Variants in KDM4B observed in about 807,000 individuals in gnomAD.
KDM4B encodes lysine demethylase 4B.
A neutral mutation model predicts 125.2 loss-of-function variants in KDM4B; 32 were observed. That is an observed-to-expected ratio of 0.26 (90% CI 0.19 to 0.34). The LOEUF is 0.34. Among genes scored for constraint, KDM4B ranks in the 10% least tolerant of loss-of-function variants. KDM4B has a pLI of 1.00. For missense variants in KDM4B, 1,190 were observed against 1,577.7 expected, an observed-to-expected ratio of 0.75 and a Z score of 4.16; for synonymous variants, 721 against 677.9, an observed-to-expected ratio of 1.06 and a Z score of -0.99.
chr19:5,010,363 C>T (rs2145484319), intron 1 of KDM4B, among the ~76,000 whole-genome samples: 1 of 152,320 alleles, frequency 6.6e-6, no homozygotes, highest in African/African-American at 2.4e-5. Flanking sequence ...TGATGCGGCT[C>T]AGCGTGGTGG....
chr19:5,052,338 C>T (rs2037254356), intron 6 of KDM4B, among the ~76,000 whole-genome samples: 2 of 135,450 alleles, frequency 1.5e-5, no homozygotes, highest in Admixed American at 1.7e-4. Flanking sequence ...ACCGAGGAAC[C>T]GTGCTCCAGA....
chr19:5,115,126 G>A lies in KDM4B; in HGVS notation c.1115+4308G>A, dbSNP rs956565116. On this transcript the variant is annotated intron_variant, in intron 10 of 22. Transcript: ENST00000159111. The surrounding 1 kb of genome is among the most constrained non-coding windows in gnomAD (Gnocchi z 4.2). ...GACCCCATGGGCCGGCAACCAGGAGGACAGCCAGCAGGGAGCAGCTGGGCT... is the reference window on the plus strand; with the variant it reads ...GACCCCATGGGCCGGCAACCAGGAGAACAGCCAGCAGGGAGCAGCTGGGCT... 2.0e-5 allele frequency among the ~76,000 whole-genome samples: 3 copies of A among 152,190 alleles called. No individual in the cohort carries two copies. The highest frequency in any genetic ancestry group is 1.3e-4 in the Admixed American group (2 of 15,286).
chr19:4,986,335 G>T (rs572672648), intron 1 of KDM4B, among the ~76,000 whole-genome samples: 136 of 152,356 alleles, frequency 8.9e-4, no homozygotes, highest in African/African-American at 3.1e-3. Context: ...CAGTGTCTCC[G>T]TGTGCCTCCC....
chr19:5,078,425 G>A lies in KDM4B; in HGVS notation c.780+955G>A, dbSNP rs981483093. ...ACATCGGGGATCCGCTCTTCCTGGC[G>A]GGGCTGCAACCCAGAGGCCGCCTCC... is the stretch of plus-strand genomic sequence containing the variant. On this transcript the variant is annotated intron_variant, in intron 8 of 22. Transcript: ENST00000159111. The surrounding 1 kb of genome is among the most constrained non-coding windows in gnomAD (Gnocchi z 4.5). 2 of 152,140 alleles carry A rather than the reference G, an allele frequency of 1.3e-5. No individual in the cohort carries two copies. The highest frequency in any genetic ancestry group is 6.6e-5 in the Admixed American group (1 of 15,266). 9.4% of individuals were successfully genotyped at this position (152,140 alleles called of 1,614,324 possible). A position where few individuals can be genotyped will look rare whatever the true frequency, so the allele number is the denominator to read the frequency against.
At chr19:5,110,126 C>T (rs1473171699) in intron 9 of KDM4B, among the ~76,000 whole-genome samples, 2 of 152,168 alleles carry the variant, frequency 1.3e-5, no homozygotes, top group African/African-American at 2.4e-5. Context: ...TCCGTGGAGG[C>T]AAACCAGGGA....
At position 4,986,080 on chromosome 19, in the gene KDM4B, CCT is replaced by C. The variant is rs1337217182; in HGVS notation, c.-109+16855_-109+16856del. 2.6e-5 allele frequency among the ~76,000 whole-genome samples: 4 copies of C among 152,242 alleles called. No homozygotes were observed. In the East Asian group the frequency reaches 7.7e-4, roughly 29 times the overall value. On this transcript the variant is annotated intron_variant, in intron 1 of 22. Transcript: ENST00000159111. ...TCCCCAGCCCGGCTTGGATTGGTCC[CCT>C]CTCTGGTGCCCCGGGGGAGTAGTGA...
rs1157913884 is a variant in KDM4B at position 5,047,502 on chromosome 19, C to T, written c.459C>T (p.Ser153=). The T allele has an allele frequency of 4.3e-6, 7 of 1,612,416 alleles. No individual in the cohort carries two copies. Among genetic ancestry groups the T allele is most frequent in the South Asian group, 1.1e-5 (1 of 90,958 alleles). The stretch of plus-strand genomic sequence containing the variant: ...ACGTGGCCCAGTGGAACATCGGGAG[C>T]CTCCGGACCATCCTGGACATGGTGG... ...DDDVAQWNIG[S]LRTILDMVER... is the part of the protein sequence containing the mutation. The change falls in exon 6 of 23, where the codon AGC becomes AGT. Residue 153 remains serine, a synonymous_variant. Transcript: ENST00000159111.
At chr19:5,132,252 CGGTTCAGGGCTGGGG>C (rs753106073) in intron 13 of KDM4B, among the ~76,000 whole-genome samples, 23 of 152,262 alleles carry the variant, frequency 1.5e-4, no homozygotes, top group Middle Eastern at 3.4e-3. Flanking sequence ...CCATGATGGG[CGGTTCAGGGCTGGGG>C]AGCTTGTACC....
At position 5,144,828 on chromosome 19, in the gene KDM4B, G is replaced by A. The variant is rs1429651033; in HGVS notation, c.2947G>A (p.Val983Met). The A allele has an allele frequency of 6.2e-7, 1 of 1,613,100 alleles. No individual in the cohort carries two copies. The highest frequency in any genetic ancestry group is 8.5e-7 in the Non-Finnish European group (1 of 1,179,752). Residue 983 changes from valine (V) to methionine (M), a missense_variant, in exon 21 of 23, where the codon GTG (valine) becomes ATG (methionine). Physicochemically the swap from Val to Met is conservative, Grantham distance 21 (BLOSUM62 1). Transcript: ENST00000159111. ...GGGACCCCCTTCCGAGGGGGAGCTG[G>A]TGGAGCTCCGGTGGACTGACGGCAA... ...QLGPPSEGEL[V>M]ELRWTDGNLY...
chr19:5,109,070 C>G (rs1837197307), intron 9 of KDM4B, among the ~76,000 whole-genome samples: 1 of 152,260 alleles, frequency 6.6e-6, no homozygotes, highest in African/African-American at 2.4e-5. Flanking sequence ...GTTTTATTGA[C>G]ACACAGCCAT....
chr19:5,137,716 G>GA, intron 17 of KDM4B, 40 bp downstream of exon 17: 3 of 1,537,636 alleles, frequency 2.0e-6, no homozygotes. Flanking sequence ...GGCCGGAGGG[G>GA]AGCCTGCCCT....
intron 2 of KDM4B, 77 bp from the exon 3 acceptor site, chr19:5,032,789 C>T (rs1005944266): frequency 8.0e-5 from 110 of 1,379,988 alleles, no homozygotes; most frequent in Non-Finnish European, 1.0e-4. Flanking sequence ...TAGCACGCTC[C>T]GTTCTGAGGG....
At position 5,151,389 on chromosome 19, in the gene KDM4B, G is replaced by A. The variant is rs1450979271; in HGVS notation, c.3169G>A (p.Ala1057Thr). The change falls in exon 23 of 23, where the codon GCC becomes ACC. Residue 1057 changes from alanine (A) to threonine (T), a missense_variant. Transcript: ENST00000159111. ...CGCCTTCTCGGGGGAGGAGGCCAAGGCCGCCAAGCGCCCGCGTGTGGGCAC... is the reference window on the plus strand; with the variant it reads ...CGCCTTCTCGGGGGAGGAGGCCAAGACCGCCAAGCGCCCGCGTGTGGGCAC... ...EPAFSGEEAK[A>T]AKRPRVGTPL... 12 of 1,586,016 alleles carry A rather than the reference G, an allele frequency of 7.6e-6. 1 individual carries two copies. The highest frequency in any genetic ancestry group is 3.4e-5 in the South Asian group (3 of 87,238).
At position 5,110,747 on chromosome 19, in the gene KDM4B, G is replaced by A. The variant is rs749603055; in HGVS notation, c.1044G>A (p.Thr348=). Residue 348 remains threonine, a synonymous_variant, in exon 10 of 23, where the codon ACG becomes ACA. Transcript: ENST00000159111. ...CGGTGCTGGACCACACGCGGCCCACGGCGCTCACCAGCCCCGAGCTGAGCT... is the reference window on the plus strand; with the variant it reads ...CGGTGCTGGACCACACGCGGCCCACAGCGCTCACCAGCCCCGAGCTGAGCT... ...DLTVLDHTRP[T]ALTSPELSSW... The A allele has an allele frequency of 2.1e-5, 34 of 1,611,436 alleles. No individual in the cohort carries two copies. In the South Asian group the frequency reaches 3.1e-4, roughly 15 times the overall value.
chr19:5,001,880 C>G (rs1264787130), intron 1 of KDM4B, among the ~76,000 whole-genome samples: 1 of 152,096 alleles, frequency 6.6e-6, no homozygotes, highest in Non-Finnish European at 1.5e-5. Context: ...TGAGCTGTAT[C>G]TTCATACTTT....
rs539154601 is a variant in KDM4B, at chr19:5,147,328, G to T, written c.3021+2426G>T. Among the ~76,000 whole-genome samples, 287 of 152,350 alleles carry T rather than the reference G, an allele frequency of 1.9e-3. 2 individuals carry two copies. Among genetic ancestry groups the T allele is most frequent in the Non-Finnish European group, 3.8e-4 (26 of 68,032 alleles). ...AACATCCCACAGAAGAGGCGCTGAC[G>T]CAGCCCCCACCCTGGTGGCGAAGGA... On this transcript the variant is annotated intron_variant, in intron 21 of 22. Transcript: ENST00000159111.
chr19:5,017,169 G>A (rs1174812151), intron 2 of KDM4B, among the ~76,000 whole-genome samples: 1 of 152,164 alleles, frequency 6.6e-6, no homozygotes, highest in African/African-American at 2.4e-5. Context: ...GACTTGAGCT[G>A]GGGCCCTTGA....
intron 3 of KDM4B, among the ~76,000 whole-genome samples, chr19:5,033,660 C>T (rs2036528008): frequency 6.6e-6 from 1 of 152,224 alleles, no homozygotes; most frequent in African/African-American, 2.4e-5. Context: ...AACAGGGCGA[C>T]AGCGCAGGTA....
intron 1 of KDM4B, among the ~76,000 whole-genome samples, chr19:4,983,079 A>G (rs536120938): frequency 6.6e-6 from 1 of 151,672 alleles, no homozygotes; most frequent in Non-Finnish European, 1.5e-5. Context: ...TCATTTCAGC[A>G]TGTAATCATC....
Sources: allele counts gnomAD v4.1 joint callset (sites outside exome capture counted in the v4.1 genomes callset), GRCh38; gene constraint gnomAD v4.1.1; non-coding constraint Gnocchi (gnomAD v3.1); transcripts MANE v1.5; gene names NCBI Gene and HGNC (gene_info 2026-07-23, HGNC 2026-07-21).